The following MAGI2 variants were observed in gnomAD, a reference collection of about 807,000 sequenced individuals.
MAGI2 encodes the protein membrane-associated guanylate kinase, WW and PDZ domain-containing protein 2.
Under a neutral mutation model 133.3 loss-of-function variants are expected in MAGI2, and 35 were observed. The ratio of observed to expected loss-of-function variants is 0.26; its 90% CI spans 0.20 to 0.35. MAGI2 has a LOEUF of 0.35. MAGI2 is among the 10% of genes least tolerant of loss of function. The probability of loss-of-function intolerance (pLI) is 1.00; values close to 1 mark genes in which losing one functional copy is unlikely to be tolerated. For synonymous variants in MAGI2, 729 were observed against 710.6 expected (o/e 1.03, Z -0.41); for missense variants, 1,636 against 1,863.4 (o/e 0.88, Z 2.25).
chr7:79,015,418 TATCCTTA>T (rs1422967655), intron 1 of MAGI2, among the ~76,000 whole-genome samples: 2 of 152,214 alleles, frequency 1.3e-5, no homozygotes, highest in African/African-American at 2.4e-5. Flanking sequence ...CAAATGGCTT[TATCCTTA>T]AAAGTATCAC....
chr7:78,600,575 T>A (rs1805092510), intron 3 of MAGI2, among the ~76,000 whole-genome samples: 1 of 152,150 alleles, frequency 6.6e-6, no homozygotes, highest in Non-Finnish European at 1.5e-5. Context: ...TGGCAATACA[T>A]AATTAGAAAA....
intron 16 of MAGI2, among the ~76,000 whole-genome samples, chr7:78,150,959 G>T (rs1308495561): frequency 6.6e-6 from 1 of 151,858 alleles, no homozygotes; most frequent in Admixed American, 6.6e-5. Flanking sequence ...ATTTGTTAGT[G>T]CTAGCAGAGT....
At chr7:78,239,476 T>C (rs1316709423) in intron 10 of MAGI2, among the ~76,000 whole-genome samples, 1 of 152,092 alleles carries the variant, frequency 6.6e-6, no homozygotes, top group African/African-American at 2.4e-5. Context: ...AGTGACAACA[T>C]GAAGAATGGA....
intron 21 of MAGI2, among the ~76,000 whole-genome samples, chr7:78,024,458 C>G (rs1026035806): frequency 6.6e-6 from 1 of 152,212 alleles, no homozygotes; most frequent in Admixed American, 6.5e-5. Context: ...ATCCTGGACT[C>G]TCTCCCTTAT....
intron 1 of MAGI2, among the ~76,000 whole-genome samples, chr7:79,089,890 G>A (rs904800233): frequency 1.3e-5 from 2 of 152,014 alleles, no homozygotes; most frequent in African/African-American, 4.8e-5. Flanking sequence ...AATACCTAAT[G>A]TAGATGATGG....
intron 1 of MAGI2, among the ~76,000 whole-genome samples, chr7:79,059,340 T>C (rs1813494211): frequency 6.6e-6 from 1 of 152,096 alleles, no homozygotes; most frequent in African/African-American, 2.4e-5. Flanking sequence ...ACCTCTGGCA[T>C]ATCAAAAATG....
chr7:79,170,469 C>T (rs1160326713), intron 1 of MAGI2, among the ~76,000 whole-genome samples: 2 of 151,852 alleles, frequency 1.3e-5, no homozygotes, highest in African/African-American at 4.8e-5. Context: ...TGCCACTGCG[C>T]CCAGCCAAAA....
At chr7:78,408,082 T>C (rs926203951) in intron 6 of MAGI2, among the ~76,000 whole-genome samples, 1 of 152,126 alleles carries the variant, frequency 6.6e-6, no homozygotes, top group Non-Finnish European at 1.5e-5. Context: ...CTCCCTTCTA[T>C]GCTTATCATC....
chr7:78,701,384 G>A (rs1818053981), intron 2 of MAGI2, among the ~76,000 whole-genome samples: 1 of 151,900 alleles, frequency 6.6e-6, no homozygotes, highest in Non-Finnish European at 1.5e-5. Flanking sequence ...TGTTCAAAAT[G>A]TGGAAAGGAA....
At chr7:78,509,361 T>C (rs1337202258) in intron 4 of MAGI2, 3 of 152,212 alleles carry the variant, frequency 2.0e-5, no homozygotes, top group South Asian at 2.1e-4. Context: ...ACTTTAACTG[T>C]TGTGAAGAAT....
chr7:78,693,356 G>A (rs1329475998), intron 2 of MAGI2, among the ~76,000 whole-genome samples: 1 of 151,956 alleles, frequency 6.6e-6, no homozygotes, highest in Non-Finnish European at 1.5e-5. Context: ...ACTCCCCTTG[G>A]GCCAAAATAT....
chr7:78,369,752 T>C (rs1180644436), intron 6 of MAGI2, among the ~76,000 whole-genome samples: 2 of 152,018 alleles, frequency 1.3e-5, no homozygotes, highest in Non-Finnish European at 2.9e-5. Flanking sequence ...TTTGGGCATA[T>C]TTTAAAAATA....
At chr7:78,746,785 T>A (rs1466697384) in intron 2 of MAGI2, among the ~76,000 whole-genome samples, 1 of 152,212 alleles carries the variant, frequency 6.6e-6, no homozygotes, top group African/African-American at 2.4e-5. Flanking sequence ...TTCTAGTTTT[T>A]TTTACAAAGC....
chr7:78,950,359 A>G (rs1801767692), intron 2 of MAGI2, among the ~76,000 whole-genome samples: 1 of 152,194 alleles, frequency 6.6e-6, no homozygotes, highest in African/African-American at 2.4e-5. Context: ...GCTGTAACAT[A>G]TATTTGGATT....
At chr7:79,002,471 T>C (rs1481485081) in intron 2 of MAGI2, among the ~76,000 whole-genome samples, 1 of 152,128 alleles carries the variant, frequency 6.6e-6, no homozygotes, top group Non-Finnish European at 1.5e-5. Flanking sequence ...AGCATACACA[T>C]GCATGCATAC....
chr7:78,528,573 T>C (rs1554458485), intron 3 of MAGI2, among the ~76,000 whole-genome samples: 1 of 152,164 alleles, frequency 6.6e-6, no homozygotes, highest in Non-Finnish European at 1.5e-5. Flanking sequence ...TGAGTAAATA[T>C]AACCCAGAAA....
chr7:78,491,125 G>C (rs1733350263), intron 5 of MAGI2, among the ~76,000 whole-genome samples: 1 of 152,030 alleles, frequency 6.6e-6, no homozygotes. Context: ...TAGATAATCT[G>C]ATAAACCAAT....
At chr7:78,227,850 TTG>T (rs3085614) in intron 10 of MAGI2, among the ~76,000 whole-genome samples, 7,612 of 145,600 alleles carry the variant, frequency 0.052, 474 homozygotes, top group East Asian at 0.25. Context: ...TCTTACTCAG[TTG>T]TGTGTGTGTG....
intron 2 of MAGI2, among the ~76,000 whole-genome samples, chr7:78,919,432 A>G (rs908603096): frequency 6.6e-6 from 1 of 152,118 alleles, no homozygotes; most frequent in African/African-American, 2.4e-5. Flanking sequence ...TGTGCATACA[A>G]TGCTTTGCTA....
Sources: gnomAD v4.1 joint callset for allele counts (sites outside exome capture counted in the v4.1 genomes callset) on GRCh38, gnomAD v4.1.1 for gene constraint, MANE v1.5 for transcripts, NCBI Gene and HGNC (gene_info 2026-07-23, HGNC 2026-07-21) for gene names.